Variants in NEBL observed in about 807,000 individuals in gnomAD.
The protein encoded by NEBL is LIM and SH3 protein 2.
NEBL carries 122 observed loss-of-function variants against 140.2 expected under a neutral mutation model. The observed-to-expected ratio is 0.87, with a 90% CI of 0.75 to 1.01. The LOEUF (loss-of-function observed/expected upper bound fraction) is 1.01. Among genes scored for constraint, NEBL ranks in the 50% least tolerant of loss-of-function variants. The pLI is 0.00. For synonymous variants in NEBL, 436 were observed against 398.9 expected (o/e 1.09, Z -1.11); for missense variants, 1,365 against 1,231.3 (o/e 1.11, Z -1.62).
chr10:21,021,325 T>G (rs1223510944), intron 2 of NEBL, among the ~76,000 whole-genome samples: 1 of 152,190 alleles, frequency 6.6e-6, no homozygotes, highest in Non-Finnish European at 1.5e-5. Context: ...TGTTCTCAAA[T>G]GCAAATCTGA....
intron 2 of NEBL, among the ~76,000 whole-genome samples, chr10:21,115,100 T>G (rs928727774): frequency 3.9e-5 from 6 of 151,918 alleles, no homozygotes; most frequent in African/African-American, 1.4e-4. Context: ...AGTTTTGTAA[T>G]AAACGTCTTT....
chr10:21,123,496 C>T (rs937956460), intron 2 of NEBL, among the ~76,000 whole-genome samples: 13 of 152,210 alleles, frequency 8.5e-5, no homozygotes, highest in East Asian at 3.9e-4. Context: ...TTTTATGTCA[C>T]GAGAGCCCTG....
chr10:20,826,581 A>T (rs937176796), intron 17 of NEBL, 42 bp from the exon 18 acceptor site: 1 of 1,452,872 alleles, frequency 6.9e-7, no homozygotes, highest in Non-Finnish European at 9.6e-7. Context: ...AGCTTGTCAG[A>T]ATTCAAGTCC....
chr10:21,011,732 G>A (rs968425921), intron 3 of NEBL, among the ~76,000 whole-genome samples: 2 of 152,136 alleles, frequency 1.3e-5, no homozygotes, highest in African/African-American at 4.8e-5. Flanking sequence ...CTTGGCTCAG[G>A]AACAGCCTAG....
At chr10:21,014,576 G>A (rs558264851) in intron 3 of NEBL, among the ~76,000 whole-genome samples, 32 of 152,278 alleles carry the variant, frequency 2.1e-4, no homozygotes, top group Non-Finnish European at 4.1e-4. Flanking sequence ...GACTTCAGCA[G>A]ACACGCTTTA....
chr10:20,799,860 G>C lies in NEBL; in HGVS notation c.2761+8650C>G, dbSNP rs188732915. Among the ~76,000 whole-genome samples the C allele has an allele frequency of 8.7e-4, 133 of 152,042 alleles. 1 individual carries two copies. Among genetic ancestry groups the C allele is most frequent in the Middle Eastern group, 6.8e-3 (2 of 294 alleles). On this transcript the variant is annotated intron_variant, in intron 26 of 27. Transcript: ENST00000377122. The stretch of plus-strand genomic sequence containing the variant: ...TTGAAGTTTACAACATGATGGTATG[G>C]GATACATATACGTGGTAAAATGGTT...
intron 3 of NEBL, among the ~76,000 whole-genome samples, chr10:21,203,254 A>G (rs1359705518): frequency 6.6e-6 from 1 of 152,154 alleles, no homozygotes; most frequent in Non-Finnish European, 1.5e-5. Flanking sequence ...TCTCTCTCCC[A>G]AGACGTTCTC....
intron 25 of NEBL, among the ~76,000 whole-genome samples, 192 bp from the exon 26 acceptor site, chr10:20,808,851 C>T (rs1176450647): frequency 2.6e-5 from 4 of 152,266 alleles, no homozygotes; most frequent in Non-Finnish European, 4.4e-5. Flanking sequence ...ACTTAACCAT[C>T]GTTTTATGCT....
chr10:21,282,920 T>A (rs563772296), intron 1 of NEBL, among the ~76,000 whole-genome samples: 1 of 151,296 alleles, frequency 6.6e-6, no homozygotes, highest in South Asian at 2.1e-4. Context: ...AGGTTAAGAG[T>A]TCGAGACCAG....
intron 4 of NEBL, among the ~76,000 whole-genome samples, chr10:20,910,603 G>A (rs1848288190): frequency 6.6e-6 from 1 of 152,060 alleles, no homozygotes; most frequent in Admixed American, 6.6e-5. Context: ...CATTTGGGGT[G>A]GGCAGTGGAA....
chr10:20,896,589 A>G (rs1172969844), intron 2 of NEBL, among the ~76,000 whole-genome samples: 1 of 149,144 alleles, frequency 6.7e-6, no homozygotes, highest in Non-Finnish European at 1.5e-5. Context: ...TAAAAAAATG[A>G]CTATTCATTT....
chr10:20,859,684 A>T, intron 8 of NEBL, 29 bp downstream of exon 8: 24 of 1,389,840 alleles, frequency 1.7e-5, no homozygotes, highest in South Asian at 2.4e-5. Flanking sequence ...AAAGATTTTG[A>T]AAATAATTTT....
intron 10 of NEBL, 51 bp downstream of exon 10, chr10:20,852,494 G>A: frequency 7.9e-7 from 1 of 1,262,882 alleles, no homozygotes; most frequent in South Asian, 1.2e-5. Context: ...GCCTCAGGAT[G>A]GTTACGGGTT....
chr10:20,984,079 G>A (rs1480700879), intron 3 of NEBL, among the ~76,000 whole-genome samples: 1 of 149,184 alleles, frequency 6.7e-6, no homozygotes, highest in East Asian at 2.0e-4. Context: ...TTTTAATAAT[G>A]AAGTTTTGCA....
At chr10:21,220,556 C>A (rs1842053350) in intron 3 of NEBL, among the ~76,000 whole-genome samples, 1 of 152,126 alleles carries the variant, frequency 6.6e-6, no homozygotes, top group Non-Finnish European at 1.5e-5. Context: ...TAGAAGAAAA[C>A]TTAGGGGAAA....
In NEBL at chr10:21,232,554, A is replaced by G. The variant is rs182500326; in HGVS notation, n.348+15367T>C. On this transcript the variant is annotated intron_variant and non_coding_transcript_variant, in intron 3 of 8. Coordinates refer to the NEBL transcript ENST00000675702. ...TATCTGGGGATGCAGGGAGACAGTAACAGGTCATCAGGCATTAGATTTTCA... is the reference window on the plus strand; with the variant it reads ...TATCTGGGGATGCAGGGAGACAGTAGCAGGTCATCAGGCATTAGATTTTCA... Among the ~76,000 whole-genome samples, 96 of 152,328 alleles carry G rather than the reference A, an allele frequency of 6.3e-4. 1 individual carries two copies. The highest frequency in any genetic ancestry group is 1.1e-3 in the Non-Finnish European group (76 of 68,022).
intron 4 of NEBL, among the ~76,000 whole-genome samples, chr10:20,947,391 C>T (rs910536465): frequency 6.6e-6 from 1 of 152,200 alleles, no homozygotes; most frequent in Middle Eastern, 3.4e-3. Flanking sequence ...TGTATGAGGG[C>T]AGGCTAGAAA....
At chr10:20,951,603 C>A (rs4543885) in intron 4 of NEBL, among the ~76,000 whole-genome samples, 11,588 of 152,086 alleles carry the variant, frequency 0.076, 810 homozygotes, top group East Asian at 0.35. Flanking sequence ...TGACTTATGA[C>A]CCTCCAATAA....
intron 4 of NEBL, among the ~76,000 whole-genome samples, chr10:20,905,830 G>C (rs1432106639): frequency 6.6e-6 from 1 of 152,120 alleles, no homozygotes; most frequent in Non-Finnish European, 1.5e-5. Context: ...AGGATGTCAG[G>C]GGAGAGCTAC....
Sources: gnomAD v4.1 joint callset for allele counts (sites outside exome capture counted in the v4.1 genomes callset) on GRCh38, gnomAD v4.1.1 for gene constraint, MANE v1.5 for transcripts, NCBI Gene and HGNC (gene_info 2026-07-23, HGNC 2026-07-21) for gene names.